The following IL1R1 variants were observed in gnomAD, a reference collection of about 807,000 sequenced individuals.
IL1R1 encodes the protein interleukin-1 receptor type 1.
In IL1R1, 22 loss-of-function variants were observed where a neutral mutation model predicts 50.2. The ratio of observed to expected loss-of-function variants is 0.44; its 90% CI spans 0.31 to 0.63. The LOEUF is 0.63. Ranked by LOEUF, IL1R1 falls within the 20% of genes least tolerant of loss-of-function variation. The pLI is 0.07. For missense variants in IL1R1, 509 were observed against 676.2 expected, an observed-to-expected ratio of 0.75 and a Z score of 2.74; for synonymous variants, 251 against 236.7, an observed-to-expected ratio of 1.06 and a Z score of -0.55.
intron 1 of IL1R1, among the ~76,000 whole-genome samples, chr2:102,091,671 C>T (rs1577821037): frequency 1.3e-5 from 2 of 152,260 alleles, no homozygotes; most frequent in Middle Eastern, 6.8e-3. Flanking sequence ...ATAGACAATA[C>T]ACTGTTGCTT....
At chr2:102,090,125 C>A (rs186760297) in intron 1 of IL1R1, among the ~76,000 whole-genome samples, 5 of 151,460 alleles carry the variant, frequency 3.3e-5, no homozygotes, top group African/African-American at 9.7e-5. Flanking sequence ...TGAGCCACTG[C>A]GCCCAGCCTA....
rs116003031 is a variant in IL1R1, at chr2:102,127,154, C to A, written c.-84+22282C>A. Among the ~76,000 whole-genome samples the A allele has an allele frequency of 4.9e-3, 745 of 152,268 alleles. 13 individuals are homozygous for A. The highest frequency in any genetic ancestry group is 0.017 in the African/African-American group (699 of 41,552). ...TTGTCAAAAGAGAGAAACACTTTTC[C>A]CTGGGTCTCAATCCTTTGAAGTTCC... On this transcript the variant is annotated intron_variant, in intron 1 of 10. Transcript: ENST00000409329.
chr2:102,157,872 T>C (rs1684337814), intron 3 of IL1R1, 87 bp downstream of exon 3: 2 of 854,200 alleles, frequency 2.3e-6, no homozygotes, highest in South Asian at 2.9e-5. Flanking sequence ...CAGAGTCATT[T>C]CTCATACTCG....
rs3917320 is a variant in IL1R1 at position 102,176,415 on chromosome 2, A to G, written c.1366A>G (p.Arg456Gly). ...CAGAAGACTGATTATCATTTTAGTC[A>G]GAGAAACATCAGGCTTCAGCTGGCT... Reference protein sequence around the residue: ...KSRRLIIILVRETSGFSWLGG... With the variant: ...KSRRLIIILVGETSGFSWLGG... Residue 456 changes from arginine to glycine, a missense_variant, in exon 12 of 12, where the codon AGA becomes GGA. Coordinates refer to ENST00000410023, the MANE Select transcript of IL1R1 (RefSeq NM_000877.4). 2 of 1,614,174 alleles carry G rather than the reference A, an allele frequency of 1.2e-6. No homozygotes were observed. Among genetic ancestry groups the G allele is most frequent in the Non-Finnish European group, 1.7e-6 (2 of 1,180,000 alleles).
intron 1 of IL1R1, among the ~76,000 whole-genome samples, chr2:102,072,262 C>CAA (rs1203487362): frequency 1.8e-4 from 14 of 78,632 alleles, no homozygotes; most frequent in African/African-American, 2.2e-4. Flanking sequence ...TCTGTGTCAC[C>CAA]AAAAAAAAAA....
In IL1R1 at chr2:102,130,149, C is replaced by T. The variant is rs564718833; in HGVS notation, c.-83-23792C>T. Among the ~76,000 whole-genome samples the T allele has an allele frequency of 7.3e-4, 111 of 152,282 alleles. 1 individual carries two copies. The highest frequency in any genetic ancestry group is 2.6e-3 in the African/African-American group (106 of 41,560). ...AATGTTGGAGAAGTTCTGCATCATG[C>T]GGTCTCTGGAAAAGTCCACTGTACG... On this transcript the variant is annotated intron_variant, in intron 1 of 10. Coordinates refer to the IL1R1 transcript ENST00000409329.
intron 1 of IL1R1, among the ~76,000 whole-genome samples, chr2:102,095,230 G>A (rs1440564009): frequency 1.3e-5 from 2 of 152,166 alleles, no homozygotes; most frequent in Non-Finnish European, 2.9e-5. Flanking sequence ...ATGTGATAGT[G>A]ATGGGAAAAG....
intron 1 of IL1R1, among the ~76,000 whole-genome samples, chr2:102,072,225 A>C (rs1016170758): frequency 6.7e-5 from 10 of 149,938 alleles, no homozygotes; most frequent in East Asian, 3.9e-4. Context: ...GTGCCATTGC[A>C]CTCCAGCCTG....
At chr2:102,164,677 A>C (rs1397873975) in intron 3 of IL1R1, 97 bp from the exon 4 acceptor site, 1 of 737,598 alleles carries the variant, frequency 1.4e-6, no homozygotes, top group Non-Finnish European at 2.3e-6. Context: ...ATGTGAATTG[A>C]TGTATTTAAT....
At chr2:102,132,441 A>G (rs1006651624) in intron 1 of IL1R1, among the ~76,000 whole-genome samples, 1 of 152,192 alleles carries the variant, frequency 6.6e-6, no homozygotes, top group Non-Finnish European at 1.5e-5. Context: ...ATACAGTATC[A>G]TTTATAGGAA....
chr2:102,079,967 C>A (rs1679136538), intron 1 of IL1R1, among the ~76,000 whole-genome samples: 1 of 152,026 alleles, frequency 6.6e-6, no homozygotes, highest in African/African-American at 2.4e-5. Context: ...AAGAAAGATG[C>A]CAGCAATTCA....
chr2:102,088,590 T>C (rs1210880138), intron 1 of IL1R1, among the ~76,000 whole-genome samples: 2 of 152,224 alleles, frequency 1.3e-5, no homozygotes, highest in African/African-American at 2.4e-5. Flanking sequence ...TGGCGTCAAC[T>C]TAAAGTCACC....
chr2:102,172,636 T>C lies in IL1R1; in HGVS notation c.840-51T>C. On this transcript the variant is annotated intron_variant, in intron 8 of 11. Transcript: ENST00000410023. ...ACACAGGGTATACAGGTCTTATTTG[T>C]AGTTGATGCAATTAACTTACACAAG... 2.0e-6 allele frequency: 3 copies of C among 1,479,732 alleles called. No individual in the cohort carries two copies. The South Asian group carries it at 3.8e-5, about 19-fold the overall frequency. The allele number at this position is 1,479,732 out of a possible 1,614,324, so 91.7% of individuals were successfully genotyped here.
chr2:102,135,714 A>G (rs1682307242), intron 1 of IL1R1, among the ~76,000 whole-genome samples: 1 of 152,190 alleles, frequency 6.6e-6, no homozygotes, highest in African/African-American at 2.4e-5. Context: ...CTTTTGTTCT[A>G]GAGTCCCTGA....
At chr2:102,162,240 T>C (rs1045681056) in intron 3 of IL1R1, among the ~76,000 whole-genome samples, 1 of 152,162 alleles carries the variant, frequency 6.6e-6, no homozygotes, top group Non-Finnish European at 1.5e-5. Context: ...CTGGCAAATA[T>C]TTTTCTTTTC....
chr2:102,109,509 C>A lies in IL1R1; in HGVS notation c.-84+4637C>A, dbSNP rs540982140. Among the ~76,000 whole-genome samples, 6 of 152,244 alleles carry A rather than the reference C, an allele frequency of 3.9e-5. 1 individual carries two copies. The highest frequency in any genetic ancestry group is 1.4e-4 in the African/African-American group (6 of 41,524). On this transcript the variant is annotated intron_variant, in intron 1 of 10. Transcript: ENST00000409329. Reference sequence around the variant, plus strand: ...AGTCCATGTGCCACACTGGCCTGGACAACTGAGTGCTGATGTATTTGGTTC... The same window carrying A: ...AGTCCATGTGCCACACTGGCCTGGAAAACTGAGTGCTGATGTATTTGGTTC...
exon 1 of IL1R1, chr2:102,070,393 T>C (rs940692646): frequency 6.6e-6 from 1 of 152,162 alleles, no homozygotes; most frequent in Non-Finnish European, 1.5e-5. Context: ...GCTCTTCACT[T>C]GTATCTTTTC....
In IL1R1 at chr2:102,171,833, G is replaced by A. The variant is rs201786108; in HGVS notation, c.754G>A (p.Gly252Ser). 2.5e-6 allele frequency: 4 copies of A among 1,605,354 alleles called. No homozygotes were observed. The highest frequency in any genetic ancestry group is 3.4e-6 in the Non-Finnish European group (4 of 1,173,662). ...SQIQLICNVTGQLSDIAYWKW... is the reference protein window; with the variant it reads ...SQIQLICNVTSQLSDIAYWKW... ...GATACAATTGATCTGTAATGTCACCGGCCAGTTGAGTGACATTGCTTACTG... is the reference window on the plus strand; with the variant it reads ...GATACAATTGATCTGTAATGTCACCAGCCAGTTGAGTGACATTGCTTACTG... The change falls in exon 8 of 12, where the codon GGC (glycine) becomes AGC (serine). Residue 252 changes from glycine (G) to serine (S), a missense_variant. Physicochemically the swap from Gly to Ser is moderately conservative, Grantham distance 56 (BLOSUM62 0). Transcript: ENST00000410023.
chr2:102,144,411 C>G (rs1316423560), intron 1 of IL1R1, among the ~76,000 whole-genome samples: 13 of 152,282 alleles, frequency 8.5e-5, no homozygotes, highest in African/African-American at 3.1e-4. Context: ...AGGCCCAGAG[C>G]AGCACCCCCA....
Sources: allele counts gnomAD v4.1 joint callset (sites outside exome capture counted in the v4.1 genomes callset), GRCh38; gene constraint gnomAD v4.1.1; transcripts MANE v1.5; gene names NCBI Gene and HGNC (gene_info 2026-07-23, HGNC 2026-07-21).